Variants in PPP2R5E observed in about 807,000 individuals in gnomAD.
The protein encoded by PPP2R5E is serine/threonine-protein phosphatase 2A 56 kDa regulatory subunit epsilon isoform.
In PPP2R5E, 4 loss-of-function variants were observed where a neutral mutation model predicts 65.3. The observed-to-expected ratio is 0.06, with a 90% confidence interval of 0.03 to 0.14. The LOEUF (loss-of-function observed/expected upper bound fraction) is 0.14, where lower values mean the gene tolerates loss of function less well. Among genes scored for constraint, PPP2R5E ranks in the 10% least tolerant of loss-of-function variants. The pLI, the probability that PPP2R5E is intolerant of heterozygous loss-of-function variation, is 1.00. For synonymous variants in PPP2R5E, 183 were observed against 187.4 expected (o/e 0.98, Z 0.19); for missense variants, 274 against 556.1 (o/e 0.49, Z 5.10).
intron 2 of PPP2R5E, among the ~76,000 whole-genome samples, chr14:63,485,633 C>T (rs1354247239): frequency 2.0e-5 from 3 of 151,908 alleles, no homozygotes; most frequent in African/African-American, 7.3e-5. Flanking sequence ...AGGCTGGTCT[C>T]GAACTCCCAA....
At chr14:63,463,352 G>C (rs1288130311) in intron 2 of PPP2R5E, among the ~76,000 whole-genome samples, 1 of 151,374 alleles carries the variant, frequency 6.6e-6, no homozygotes, top group Non-Finnish European at 1.5e-5. Context: ...ATGTTGGCCA[G>C]GATGGTATCG....
At chr14:63,500,633 C>T (rs1467597502) in intron 2 of PPP2R5E, among the ~76,000 whole-genome samples, 1 of 152,128 alleles carries the variant, frequency 6.6e-6, no homozygotes, top group Non-Finnish European at 1.5e-5. Context: ...GCAAGAGGAT[C>T]TCTTGAGGCC....
intron 3 of PPP2R5E, among the ~76,000 whole-genome samples, chr14:63,426,509 AATTAAAAGCTGT>A (rs1421345046): frequency 5.3e-5 from 8 of 152,128 alleles, no homozygotes; most frequent in African/African-American, 1.9e-4. Flanking sequence ...ACTAAATGGA[AATTAAAAGCTGT>A]ATTAAAGCAA....
intron 2 of PPP2R5E, among the ~76,000 whole-genome samples, chr14:63,519,341 T>C (rs866216444): frequency 1.3e-5 from 2 of 152,104 alleles, no homozygotes; most frequent in African/African-American, 4.8e-5. Context: ...GTTCTTGGGA[T>C]CAAGGACAAA....
intron 3 of PPP2R5E, 195 bp downstream of exon 3, chr14:63,453,492 TAA>T (rs1888964903): frequency 4.5e-6 from 2 of 442,640 alleles, no homozygotes; most frequent in South Asian, 1.1e-4. Context: ...CTGTCGTAGT[TAA>T]AGTTCTGGAT....
At chr14:63,519,308 T>C (rs1202316806) in intron 2 of PPP2R5E, among the ~76,000 whole-genome samples, 3 of 152,132 alleles carry the variant, frequency 2.0e-5, no homozygotes, top group Non-Finnish European at 4.4e-5. Context: ...ATTCTGTGGT[T>C]GTATATTTGA....
At chr14:63,522,259 A>G (rs1389222441) in intron 2 of PPP2R5E, among the ~76,000 whole-genome samples, 2 of 152,200 alleles carry the variant, frequency 1.3e-5, no homozygotes, top group Non-Finnish European at 1.5e-5. Flanking sequence ...AATGTTGCCC[A>G]GGCTGGAGTG....
chr14:63,470,828 C>CA (rs35728680), intron 2 of PPP2R5E, among the ~76,000 whole-genome samples: 1,815 of 71,830 alleles, frequency 0.025, 23 homozygotes, highest in African/African-American at 0.05. Flanking sequence ...TCCGTCTCTA[C>CA]AAAAAAAAAA....
At chr14:63,453,460 G>T in intron 3 of PPP2R5E, 1 of 321,652 alleles carries the variant, frequency 3.1e-6, no homozygotes, top group East Asian at 4.9e-5. Context: ...TTCATATTTT[G>T]AAGTCATTTA....
chr14:63,541,356 G>A (rs1228348211), intron 1 of PPP2R5E, among the ~76,000 whole-genome samples: 1 of 152,204 alleles, frequency 6.6e-6, no homozygotes. Context: ...GAGTTCCCTT[G>A]AGGTTTAGAC....
At chr14:63,537,424 T>G (rs1893711239) in intron 2 of PPP2R5E, among the ~76,000 whole-genome samples, 1 of 152,206 alleles carries the variant, frequency 6.6e-6, no homozygotes, top group Admixed American at 6.5e-5. Flanking sequence ...TAATGACTAT[T>G]TTCATTTTTA....
chr14:63,539,149 A>G (rs1893788090), intron 2 of PPP2R5E, among the ~76,000 whole-genome samples: 2 of 152,168 alleles, frequency 1.3e-5, no homozygotes, highest in Admixed American at 6.5e-5. Flanking sequence ...GAATGGTACC[A>G]TCTCCTCTAC....
At chr14:63,485,641 CA>C (rs984279567) in intron 2 of PPP2R5E, among the ~76,000 whole-genome samples, 1 of 151,552 alleles carries the variant, frequency 6.6e-6, no homozygotes, top group Non-Finnish European at 1.5e-5. Context: ...CTCGAACTCC[CA>C]ACCTCAGGTG....
Position 63,433,918 on chromosome 14 carries a change from G to C in PPP2R5E, c.355-11824C>G, listed in dbSNP as rs142663138. ...GCTTTGGGTTCAGCTTTCTCTGATG[G>C]ACCAAGGTAGTAACCACTGTTCATT... is the stretch of plus-strand genomic sequence containing the variant. On this transcript the variant is annotated intron_variant, in intron 3 of 13. Coordinates refer to ENST00000337537, the MANE Select transcript of PPP2R5E (RefSeq NM_006246.5). Among the ~76,000 whole-genome samples the C allele has an allele frequency of 2.2e-3, 328 of 152,288 alleles. 1 individual carries two copies. The highest frequency in any genetic ancestry group is 4.3e-3 in the South Asian group (21 of 4,828).
chr14:63,509,466 G>T (rs1892364228), intron 2 of PPP2R5E, among the ~76,000 whole-genome samples: 1 of 151,814 alleles, frequency 6.6e-6, no homozygotes, highest in Non-Finnish European at 1.5e-5. Flanking sequence ...TAGAGAAGGG[G>T]TTTTGCCATG....
At chr14:63,432,276 G>A (rs1418331770) in intron 3 of PPP2R5E, among the ~76,000 whole-genome samples, 2 of 151,986 alleles carry the variant, frequency 1.3e-5, no homozygotes, top group African/African-American at 2.4e-5. Flanking sequence ...CATTGTTATT[G>A]CTGCTTACTG....
At chr14:63,445,724 C>T (rs965579825) in intron 3 of PPP2R5E, among the ~76,000 whole-genome samples, 1 of 152,076 alleles carries the variant, frequency 6.6e-6, no homozygotes, top group African/African-American at 2.4e-5. Context: ...CGCCTGTAAT[C>T]CCAGCTACTC....
At chr14:63,482,086 GA>G (rs1333534448) in intron 2 of PPP2R5E, among the ~76,000 whole-genome samples, 3 of 152,046 alleles carry the variant, frequency 2.0e-5, no homozygotes, top group Admixed American at 6.6e-5. Context: ...AAACATGTAG[GA>G]AAAAAACTTT....
chr14:63,506,215 C>A (rs554620818), intron 2 of PPP2R5E, among the ~76,000 whole-genome samples: 2 of 152,244 alleles, frequency 1.3e-5, no homozygotes, highest in African/African-American at 4.8e-5. Flanking sequence ...CTTTGGGAGG[C>A]CGCGGCGGGT....
Sources: gnomAD v4.1 joint callset for allele counts (sites outside exome capture counted in the v4.1 genomes callset) on GRCh38, gnomAD v4.1.1 for gene constraint, MANE v1.5 for transcripts, NCBI Gene and HGNC (gene_info 2026-07-23, HGNC 2026-07-21) for gene names.